SPMIP4: variants seen among roughly 807,000 people sequenced by gnomAD.
The protein encoded by SPMIP4 is sperm-associated microtubule inner protein 4.
chr7:25,168,325 T>C, the SPMIP4 span: 1 of 1,609,550 alleles, frequency 6.2e-7, no homozygotes, highest in Non-Finnish European at 8.5e-7. Flanking sequence ...ATAATGCTGA[T>C]GTCCTTTGCC....
At chr7:25,126,423 C>G in the SPMIP4 span, among the ~76,000 whole-genome samples, 1 of 151,838 alleles carries the variant, frequency 6.6e-6, no homozygotes, top group Non-Finnish European at 1.5e-5. Flanking sequence ...GTGATTCACC[C>G]GCATCGGCCT....
chr7:25,165,709 T>C, the SPMIP4 span, among the ~76,000 whole-genome samples: 6 of 152,212 alleles, frequency 3.9e-5, no homozygotes, highest in African/African-American at 1.4e-4. Context: ...TTATCTGAGG[T>C]TATCTTGTTA....
chr7:25,143,636 G>C, the SPMIP4 span, among the ~76,000 whole-genome samples: 128 of 144,826 alleles, frequency 8.8e-4, no homozygotes, highest in Non-Finnish European at 1.5e-3. Context: ...CTGCCACCCA[G>C]GCTGGAGTGC....
At chr7:25,154,196 C>T in the SPMIP4 span, among the ~76,000 whole-genome samples, 88,291 of 152,016 alleles carry the variant, frequency 0.58, 25,915 homozygotes, top group Middle Eastern at 0.64. Flanking sequence ...TTGAGGCTGA[C>T]GATGGCAATA....
chr7:25,148,508 A>ACC, the SPMIP4 span, among the ~76,000 whole-genome samples: 3 of 131,090 alleles, frequency 2.3e-5, no homozygotes, highest in Non-Finnish European at 3.2e-5. Flanking sequence ...ACAGAGTCTG[A>ACC]CTCTCACCCA....
the SPMIP4 span, chr7:25,155,210 A>G: frequency 1.3e-6 from 2 of 1,492,052 alleles, no homozygotes; most frequent in Admixed American, 2.5e-5. Flanking sequence ...TTATTGAGGA[A>G]ACAAAACAAA....
At chr7:25,169,094 A>G in the SPMIP4 span, among the ~76,000 whole-genome samples, 1 of 151,920 alleles carries the variant, frequency 6.6e-6, no homozygotes, top group Admixed American at 6.6e-5. Context: ...CATCGATTTA[A>G]AGTGTACAAT....
the SPMIP4 span, among the ~76,000 whole-genome samples, chr7:25,165,271 T>C: frequency 6.6e-6 from 1 of 152,158 alleles, no homozygotes; most frequent in Non-Finnish European, 1.5e-5. Context: ...TATTATTTCA[T>C]ATAGGATGCA....
At chr7:25,142,877 T>A in the SPMIP4 span, 1 of 1,275,064 alleles carries the variant, frequency 7.8e-7, no homozygotes, top group Admixed American at 2.7e-5. Context: ...ACCTGATTCA[T>A]GATCTCAGCA....
chr7:25,158,507 G>T, the SPMIP4 span: 3 of 1,607,608 alleles, frequency 1.9e-6, no homozygotes, highest in African/African-American at 4.0e-5. Flanking sequence ...TTACCCTACT[G>T]TTGAATTAGG....
At chr7:25,155,751 C>T in the SPMIP4 span, among the ~76,000 whole-genome samples, 1 of 151,808 alleles carries the variant, frequency 6.6e-6, no homozygotes, top group South Asian at 2.1e-4. Flanking sequence ...ACAGCTAGCA[C>T]ACTGAAGGAA....
chr7:25,170,520 GT>G, the SPMIP4 span, among the ~76,000 whole-genome samples: 13 of 152,162 alleles, frequency 8.5e-5, no homozygotes, highest in Non-Finnish European at 1.6e-4. Context: ...AAGCAAAAAA[GT>G]TTTTTAATTT....
chr7:25,131,393 C>G, the SPMIP4 span, among the ~76,000 whole-genome samples: 1 of 152,186 alleles, frequency 6.6e-6, no homozygotes, highest in Admixed American at 6.5e-5. The surrounding 1 kb of genome is among the most constrained non-coding windows in gnomAD (Gnocchi z 4.2). Flanking sequence ...AAATCATCCT[C>G]CCCCATGCCC....
At chr7:25,170,174 G>A in the SPMIP4 span, among the ~76,000 whole-genome samples, 11 of 148,272 alleles carry the variant, frequency 7.4e-5, no homozygotes, top group African/African-American at 2.9e-4. Context: ...GAGGATTCCA[G>A]TATCTCCACA....
chr7:25,142,167 A>C, the SPMIP4 span: 1 of 1,083,132 alleles, frequency 9.2e-7, no homozygotes, highest in Non-Finnish European at 1.4e-6. Context: ...AACCCAGGAC[A>C]CAAAAAGTGG....
chr7:25,141,049 T>G, the SPMIP4 span, among the ~76,000 whole-genome samples: 5 of 152,208 alleles, frequency 3.3e-5, no homozygotes, highest in Admixed American at 6.5e-5. Flanking sequence ...ATGCAAACTA[T>G]TAGGTCATTT....
At chr7:25,177,363 G>A in the SPMIP4 span, among the ~76,000 whole-genome samples, 1 of 151,866 alleles carries the variant, frequency 6.6e-6, no homozygotes, top group Non-Finnish European at 1.5e-5. Context: ...TGTGCCTGTA[G>A]TCCCAGCTAC....
At chr7:25,136,328 C>T in the SPMIP4 span, 1 of 1,614,030 alleles carries the variant, frequency 6.2e-7, no homozygotes, top group Non-Finnish European at 8.5e-7. This position sits in a 1 kb window ranked among gnomAD's most constrained non-coding sequence, Gnocchi z 5.7. Context: ...TTATACTGAT[C>T]ACGTAGGGGA....
the SPMIP4 span, among the ~76,000 whole-genome samples, chr7:25,161,597 C>A: frequency 1.8e-3 from 258 of 143,434 alleles, no homozygotes; most frequent in African/African-American, 6.1e-3. Flanking sequence ...AATGTTAGAA[C>A]TTTTTATTTA....
Sources: gnomAD v4.1 joint callset for allele counts (sites outside exome capture counted in the v4.1 genomes callset) on GRCh38, gnomAD v4.1.1 for gene constraint, Gnocchi (gnomAD v3.1) non-coding constraint, MANE v1.5 for transcripts, NCBI Gene and HGNC (gene_info 2026-07-23, HGNC 2026-07-21) for gene names.